MAN1A1: variants seen among roughly 807,000 people sequenced by gnomAD.
The protein encoded by MAN1A1 is mannosyl-oligosaccharide 1,2-alpha-mannosidase IA.
MAN1A1 carries 29 observed loss-of-function variants against 70.8 expected under a neutral mutation model. The ratio of observed to expected loss-of-function variants is 0.41; its 90% CI spans 0.31 to 0.56. The LOEUF is 0.56. Ranked by LOEUF, MAN1A1 falls within the 20% of genes least tolerant of loss-of-function variation. The pLI, the probability that MAN1A1 is intolerant of heterozygous loss-of-function variation, is 0.29. For missense variants in MAN1A1, 747 were observed against 841.3 expected, an observed-to-expected ratio of 0.89 and a Z score of 1.39; for synonymous variants, 349 against 330.1, an observed-to-expected ratio of 1.06 and a Z score of -0.62.
intron 7 of MAN1A1, among the ~76,000 whole-genome samples, chr6:119,202,655 A>C (rs1217987499): frequency 6.6e-6 from 1 of 152,202 alleles, no homozygotes; most frequent in African/African-American, 2.4e-5. Flanking sequence ...AACGCATTGC[A>C]CTACGACATT....
At chr6:119,255,885 T>G (rs572357327) in intron 5 of MAN1A1, among the ~76,000 whole-genome samples, 1 of 152,340 alleles carries the variant, frequency 6.6e-6, no homozygotes, top group African/African-American at 2.4e-5. Context: ...AAATTATGTG[T>G]TGTATTTGTC....
chr6:119,325,795 T>C (rs1023652865), intron 2 of MAN1A1, among the ~76,000 whole-genome samples: 6 of 152,112 alleles, frequency 3.9e-5, no homozygotes, highest in African/African-American at 1.4e-4. Flanking sequence ...AAGAAAAAAA[T>C]GGAATATTCT....
rs1346222132 is a variant in MAN1A1 at position 119,334,509 on chromosome 6, G to A, written c.603+13954C>T. On this transcript the variant is annotated intron_variant, in intron 2 of 12. Transcript: ENST00000368468. ...TTCTGAAAATCTTTAAGAGTATAATGTTCCAATAAAAGGAAGTAAACTTTT... is the reference window on the plus strand; with the variant it reads ...TTCTGAAAATCTTTAAGAGTATAATATTCCAATAAAAGGAAGTAAACTTTT... Among the ~76,000 whole-genome samples, 4 of 152,186 alleles carry A rather than the reference G, an allele frequency of 2.6e-5. No individual in the cohort carries two copies. In the East Asian group the frequency reaches 7.7e-4, roughly 29 times the overall value.
chr6:119,233,460 A>G (rs1300911160), intron 6 of MAN1A1, among the ~76,000 whole-genome samples: 27 of 152,342 alleles, frequency 1.8e-4, no homozygotes, highest in Non-Finnish European at 3.4e-4. Flanking sequence ...AGAGGATCAA[A>G]GTCCACTTAA....
intron 5 of MAN1A1, among the ~76,000 whole-genome samples, 179 bp from the exon 6 acceptor site, chr6:119,248,533 G>A (rs1269883815): frequency 3.9e-5 from 6 of 152,210 alleles, no homozygotes; most frequent in Non-Finnish European, 8.8e-5. Flanking sequence ...TGGTCCAGGG[G>A]CCATCATACT....
chr6:119,308,582 C>T (rs1356241769), intron 2 of MAN1A1, among the ~76,000 whole-genome samples: 3 of 152,030 alleles, frequency 2.0e-5, no homozygotes, highest in Admixed American at 1.3e-4. Context: ...TGTTTTTGCA[C>T]CTTGCATACT....
intron 6 of MAN1A1, among the ~76,000 whole-genome samples, chr6:119,229,492 G>A (rs1281619939): frequency 1.3e-5 from 2 of 152,144 alleles, no homozygotes; most frequent in African/African-American, 4.8e-5. Context: ...TCTGGGTAAT[G>A]CAATTTGGGA....
intron 6 of MAN1A1, among the ~76,000 whole-genome samples, chr6:119,208,892 C>T (rs969043418): frequency 3.9e-5 from 6 of 151,914 alleles, no homozygotes; most frequent in Non-Finnish European, 7.4e-5. Context: ...TTCAGGAGTT[C>T]GAGACCAGCC....
At chr6:119,196,335 A>G (rs1433324303) in intron 8 of MAN1A1, among the ~76,000 whole-genome samples, 2 of 151,990 alleles carry the variant, frequency 1.3e-5, no homozygotes, top group Admixed American at 6.5e-5. Context: ...TAAAAAAAAA[A>G]AAACAAGACA....
chr6:119,338,068 C>T (rs200743595), intron 2 of MAN1A1, among the ~76,000 whole-genome samples: 2 of 75,246 alleles, frequency 2.7e-5, no homozygotes, highest in Non-Finnish European at 5.4e-5. Flanking sequence ...TGCTAGTTGA[C>T]TAAAAAAAAA....
intron 2 of MAN1A1, among the ~76,000 whole-genome samples, chr6:119,321,756 T>C (rs1459582137): frequency 6.6e-6 from 1 of 151,934 alleles, no homozygotes; most frequent in African/African-American, 2.4e-5. Context: ...TAGGTGGGAC[T>C]ACAGGCATGT....
intron 5 of MAN1A1, among the ~76,000 whole-genome samples, chr6:119,287,828 G>A (rs903158285): frequency 6.6e-6 from 1 of 151,906 alleles, no homozygotes; most frequent in Non-Finnish European, 1.5e-5. Flanking sequence ...GCTTATAATA[G>A]AGCAGTGCTA....
In MAN1A1 at chr6:119,204,625, G is replaced by C. The variant is rs1349193481; in HGVS notation, c.1116+134C>G. ...AGTTTGGCTAAATGAAATGCTGCAT[G>C]TTGCAAAACTTCAGAAAGAGCTATA... On this transcript the variant is annotated intron_variant, in intron 7 of 12. Coordinates refer to ENST00000368468, the MANE Select transcript of MAN1A1 (RefSeq NM_005907.4). 12 of 1,093,240 alleles carry C rather than the reference G, an allele frequency of 1.1e-5. No homozygotes were observed. The Admixed American group carries it at 2.6e-4, about 23-fold the overall frequency. The allele number at this position is 1,093,240 out of a possible 1,614,324, so 67.7% of individuals were successfully genotyped here.
chr6:119,304,675 A>T (rs1340632674), intron 3 of MAN1A1, among the ~76,000 whole-genome samples: 1 of 152,224 alleles, frequency 6.6e-6, no homozygotes, highest in Admixed American at 6.5e-5. Context: ...ATAGCTGGTG[A>T]GAAACAACCA....
At chr6:119,292,992 AC>A (rs5879496) in intron 4 of MAN1A1, among the ~76,000 whole-genome samples, 57,288 of 151,674 alleles carry the variant, frequency 0.38, 11,285 homozygotes, top group Non-Finnish European at 0.41. Context: ...ATAAACTTAA[AC>A]CCTCAAATCA....
chr6:119,189,776 C>A lies in MAN1A1; in HGVS notation c.1434G>T (p.Ala478=), dbSNP rs2072890. 1,303,447 of 1,613,798 alleles carry A rather than the reference C, an allele frequency of 0.81. 533,839 individuals are homozygous for A. Among genetic ancestry groups the A allele is most frequent in the Non-Finnish European group, 0.83 (983,709 of 1,179,948 alleles). The change falls in exon 10 of 13, where the codon GCG becomes GCT. Residue 478 remains alanine (A), a synonymous_variant. Transcript: ENST00000368468. The part of the protein sequence containing the change: ...EHKMGHLTCF[A]GGMFALGADA... ...CAGCCCCGAGTGCGAACATGCCCCC[C>A]GCGAAGCAGGTCAGGTGGCCCATCT...
At chr6:119,201,097 C>T (rs1773701517) in intron 8 of MAN1A1, among the ~76,000 whole-genome samples, 157 bp downstream of exon 8, 3 of 152,294 alleles carry the variant, frequency 2.0e-5, no homozygotes, top group South Asian at 4.2e-4. Context: ...GTCCTAATAA[C>T]ACAATCTGAT....
At chr6:119,199,435 A>G (rs1359415113) in intron 8 of MAN1A1, among the ~76,000 whole-genome samples, 3 of 151,618 alleles carry the variant, frequency 2.0e-5, no homozygotes, top group Non-Finnish European at 3.0e-5. Flanking sequence ...TGATGCAACT[A>G]TCATTTTTCA....
intron 6 of MAN1A1, among the ~76,000 whole-genome samples, chr6:119,209,311 C>G (rs938288884): frequency 1.3e-5 from 2 of 152,150 alleles, no homozygotes; most frequent in African/African-American, 2.4e-5. Flanking sequence ...TCACTGCTTG[C>G]TATTTTATGC....
Sources: allele counts gnomAD v4.1 joint callset (sites outside exome capture counted in the v4.1 genomes callset), GRCh38; gene constraint gnomAD v4.1.1; transcripts MANE v1.5; gene names NCBI Gene and HGNC (gene_info 2026-07-23, HGNC 2026-07-21).